Variants in FNDC5 observed in about 807,000 individuals in gnomAD.
FNDC5 encodes the protein fibronectin type III domain containing 5, also known as fibronectin type III domain-containing protein 5.
In FNDC5, 10 loss-of-function variants were observed where a neutral mutation model predicts 24.6. That is an observed-to-expected ratio of 0.41 (90% CI 0.25 to 0.69). The LOEUF is 0.69. Ranked by LOEUF, FNDC5 falls within the 30% of genes least tolerant of loss-of-function variation. The probability of loss-of-function intolerance (pLI) is 0.34; values close to 1 mark genes in which losing one functional copy is unlikely to be tolerated. For synonymous variants in FNDC5, 90 were observed against 110.7 expected (o/e 0.81, Z 1.18); for missense variants, 226 against 282.9 (o/e 0.80, Z 1.44).
At chr1:32,865,787 ACT>A (rs1449173895) in intron 4 of FNDC5, among the ~76,000 whole-genome samples, 1 of 152,046 alleles carries the variant, frequency 6.6e-6, no homozygotes, top group Non-Finnish European at 1.5e-5. Flanking sequence ...AATCCTCACA[ACT>A]CTGTGAGGAT....
rs1641165791 is a variant in FNDC5 at position 32,870,730 on chromosome 1, G to C, written c.17C>G (p.Pro6Arg). 6.0e-6 allele frequency: 7 copies of C among 1,165,228 alleles called. No homozygotes were observed. The highest frequency in any genetic ancestry group is 4.2e-5 in the South Asian group (1 of 23,668). The allele number at this position is 1,165,228 out of a possible 1,614,324, so 72.2% of individuals were successfully genotyped here. A position where few individuals can be genotyped will look rare whatever the true frequency, so the allele number is the denominator to read the frequency against. The change falls in exon 1 of 6, where the codon CCG becomes CGG. Residue 6 changes from proline (P) to arginine (R), a missense_variant. Coordinates refer to ENST00000373471, the MANE Select transcript of FNDC5 (RefSeq NM_153756.3). ...GCGGGCGCGGGGCGGCCAGGCGCTC[G>C]GCGACCCGGGGTGTATGGTGGCTCC...
rs1444013382 is a variant in FNDC5 at position 32,863,839 on chromosome 1, G to A, written c.*455C>T. 3.0e-5 allele frequency: 39 copies of A among 1,306,290 alleles called. No homozygotes were observed. The highest frequency in any genetic ancestry group is 1.0e-6 in the Non-Finnish European group (1 of 990,448). 80.9% of individuals were successfully genotyped at this position (1,306,290 alleles called of 1,614,324 possible). The stretch of plus-strand genomic sequence containing the variant: ...TTGTGAATAGCCTTCTTGCAAGGCT[G>A]GAAACAGGACAGAAGAAGGAAGGGA... On this transcript the variant is annotated 3_prime_UTR_variant, in exon 6 of 6. Transcript: ENST00000373471.
chr1:32,862,602 C>T lies in FNDC5; in HGVS notation c.*1692G>A, dbSNP rs548697855. 6.5e-6 allele frequency: 1 copy of T among 152,726 alleles called. No individual in the cohort carries two copies. Among genetic ancestry groups the T allele is most frequent in the Admixed American group, 6.5e-5 (1 of 15,296 alleles). The allele number at this position is 152,726 out of a possible 1,614,324, so 9.5% of individuals were successfully genotyped here. On this transcript the variant is annotated 3_prime_UTR_variant, in exon 6 of 6. Transcript: ENST00000373471. ...TGGCTCTCTGGCTTGGGGACCAATG[C>T]TCTTATCATTCATTTCAACAAATAT...
Position 32,864,688 on chromosome 1 carries a change from C to T in FNDC5, c.609G>A (p.Gln203=). The T allele has an allele frequency of 6.2e-7, 1 of 1,614,192 alleles. No homozygotes were observed. Among genetic ancestry groups the T allele is most frequent in the Non-Finnish European group, 8.5e-7 (1 of 1,180,044 alleles). The change falls in exon 5 of 6, where the codon CAG becomes CAA. Residue 203 remains glutamine, a synonymous_variant. Transcript: ENST00000373471. Reference sequence around the variant, plus strand: ...CCTTGCTGCGGAGAAGCCCCCCGCCCTGGTGCTCTGGTGTGCTGGTTTCTG... The same window carrying T: ...CCTTGCTGCGGAGAAGCCCCCCGCCTTGGTGCTCTGGTGTGCTGGTTTCTG...
rs139213390 is a variant in FNDC5, at chr1:32,868,748, T to C, written c.210+134A>G. 3.3e-6 allele frequency: 2 copies of C among 613,376 alleles called. No individual in the cohort carries two copies. The highest frequency in any genetic ancestry group is 1.8e-5 in the African/African-American group (1 of 54,516). 38.0% of individuals were successfully genotyped at this position (613,376 alleles called of 1,614,324 possible). A position where few individuals can be genotyped will look rare whatever the true frequency, so the allele number is the denominator to read the frequency against. On this transcript the variant is annotated intron_variant, in intron 2 of 5. Coordinates refer to ENST00000373471, the MANE Select transcript of FNDC5 (RefSeq NM_153756.3). The surrounding 1 kb of genome is among the most constrained non-coding windows in gnomAD (Gnocchi z 4.8). ...CCCAATTTTCAGACATATGTCCAAA[T>C]TGCTGTTCATCTCCCTTGCCCCAAG...
intron 4 of FNDC5, among the ~76,000 whole-genome samples, chr1:32,866,835 G>T (rs528301870): frequency 6.6e-6 from 1 of 152,350 alleles, no homozygotes; most frequent in East Asian, 1.9e-4. Flanking sequence ...GGGCTGGAGT[G>T]ATTGTTCAGT....
At position 32,864,781 on chromosome 1, in the gene FNDC5, G is replaced by A; in HGVS notation, c.516C>T (p.Phe172=). ...CCTTGATGATGTCATACTGGCGGCA[G>A]AAGAGGGCAATGACACCTGAGGGGG... The change falls in exon 5 of 6, where the codon TTC becomes TTT. Residue 172 remains phenylalanine, a synonymous_variant. Transcript: ENST00000373471. The A allele has an allele frequency of 6.2e-7, 1 of 1,614,148 alleles. No individual in the cohort carries two copies. The highest frequency in any genetic ancestry group is 8.5e-7 in the Non-Finnish European group (1 of 1,180,052).
intron 5 of FNDC5, 132 bp from the exon 6 acceptor site, chr1:32,864,431 C>T (rs1641029836): frequency 6.7e-7 from 1 of 1,492,560 alleles, no homozygotes. Context: ...TCTGCCCTCC[C>T]CACTCACTGC....
intron 4 of FNDC5, among the ~76,000 whole-genome samples, chr1:32,866,379 A>T (rs747337588): frequency 2.0e-4 from 30 of 152,256 alleles, no homozygotes; most frequent in Admixed American, 1.0e-3. Context: ...AAGCTTTAGC[A>T]TGGTATTCAA....
At position 32,864,079 on chromosome 1, in the gene FNDC5, ATTG is replaced by A; in HGVS notation, c.*212_*214del. The A allele has an allele frequency of 1.4e-6, 2 of 1,475,072 alleles. No individual in the cohort carries two copies. The highest frequency in any genetic ancestry group is 1.8e-6 in the Non-Finnish European group (2 of 1,113,660). 91.4% of individuals were successfully genotyped at this position (1,475,072 alleles called of 1,614,324 possible). A position where few individuals can be genotyped will look rare whatever the true frequency, so the allele number is the denominator to read the frequency against. Reference sequence around the variant, plus strand: ...TCTGAGTGCAGCCTCAGCCACTGACATTGTTGAGGTGCTTCTGGAGATGGGAGT... The same window carrying A: ...TCTGAGTGCAGCCTCAGCCACTGACATTGAGGTGCTTCTGGAGATGGGAGT... On this transcript the variant is annotated 3_prime_UTR_variant, in exon 6 of 6. Transcript: ENST00000373471.
chr1:32,868,852 C>T lies in FNDC5; in HGVS notation c.210+30G>A. On this transcript the variant is annotated intron_variant, in intron 2 of 5. Coordinates refer to ENST00000373471, the MANE Select transcript of FNDC5 (RefSeq NM_153756.3). The surrounding 1 kb of genome is among the most constrained non-coding windows in gnomAD (Gnocchi z 4.8). ...ATCTGCCACTACTGTCTTGATGTGT[C>T]CTTCCCTCCTAAGGACAGTGGAGCA... The T allele has an allele frequency of 8.1e-7, 1 of 1,229,540 alleles. No homozygotes were observed. The highest frequency in any genetic ancestry group is 1.0e-6 in the Non-Finnish European group (1 of 978,856). The allele number at this position is 1,229,540 out of a possible 1,614,324, so 76.2% of individuals were successfully genotyped here. A position where few individuals can be genotyped will look rare whatever the true frequency, so the allele number is the denominator to read the frequency against.
upstream of FNDC5, among the ~76,000 whole-genome samples, chr1:32,872,060 A>C (rs1641192893): frequency 2.6e-5 from 4 of 152,238 alleles, no homozygotes; most frequent in South Asian, 8.3e-4. Context: ...GACGTCTTGC[A>C]AAGTTCTGCC....
At position 32,870,821 on chromosome 1, in the gene FNDC5, C is replaced by G; in HGVS notation, c.-75G>C. 1.9e-6 allele frequency: 1 copy of G among 525,038 alleles called. No individual in the cohort carries two copies. Among genetic ancestry groups the G allele is most frequent in the Non-Finnish European group, 2.4e-6 (1 of 414,124 alleles). 32.5% of individuals were successfully genotyped at this position (525,038 alleles called of 1,614,324 possible). ...CCGGCGCCCGGCGGCCGCTCGCGCTCGCGCTCCGGCCCCCGGCCCGGCCGG... is the reference window on the plus strand; with the variant it reads ...CCGGCGCCCGGCGGCCGCTCGCGCTGGCGCTCCGGCCCCCGGCCCGGCCGG... On this transcript the variant is annotated 5_prime_UTR_variant, in exon 1 of 6. Coordinates refer to ENST00000373471, the MANE Select transcript of FNDC5 (RefSeq NM_153756.3).
Position 32,868,166 on chromosome 1 carries a change from C to G in FNDC5, c.409+24G>C. 2 of 1,612,846 alleles carry G rather than the reference C, an allele frequency of 1.2e-6. No homozygotes were observed. Among genetic ancestry groups the G allele is most frequent in the South Asian group, 1.1e-5 (1 of 90,996 alleles). On this transcript the variant is annotated intron_variant, in intron 3 of 5. Transcript: ENST00000373471. This position sits in a 1 kb window ranked among gnomAD's most constrained non-coding sequence, Gnocchi z 4.8. ...GACCACCCCTCACCCCACCCCATTC[C>G]TCTTAACAGTGACCCGGGCCTGCCT...
intron 4 of FNDC5, 73 bp downstream of exon 4, chr1:32,867,680 G>C (rs182196591): frequency 6.9e-7 from 1 of 1,443,816 alleles, no homozygotes; most frequent in Non-Finnish European, 9.6e-7. Flanking sequence ...TTTTTCATGA[G>C]AGAAGGGGCT....
chr1:32,870,919 C>G (rs1557531022), upstream of FNDC5: 1 of 147,830 alleles, frequency 6.8e-6, no homozygotes, highest in African/African-American at 2.5e-5. Flanking sequence ...GACTCCCGCG[C>G]GGCGGCGGTG....
At chr1:32,867,716 T>C in intron 4 of FNDC5, 37 bp downstream of exon 4, 1 of 1,595,988 alleles carries the variant, frequency 6.3e-7, no homozygotes, top group Non-Finnish European at 8.6e-7. Flanking sequence ...TTTCCCAGAA[T>C]CTGAGGGAAG....
At position 32,868,375 on chromosome 1, in the gene FNDC5, C is replaced by T. The variant is rs373917435; in HGVS notation, c.224G>A (p.Arg75Gln). ...CACCTCCTGGATGAAGCGCAGCATC[C>T]GCACATCCTTCTTCTGCAGACAAGC... Residue 75 changes from arginine (R) to glutamine (Q), a missense_variant, in exon 3 of 6, where the codon CGG (arginine) becomes CAG (glutamine). Physicochemically the swap from Arg to Gln is conservative, Grantham distance 43 (BLOSUM62 1). Transcript: ENST00000373471. This position sits in a 1 kb window ranked among gnomAD's most constrained non-coding sequence, Gnocchi z 4.8. The T allele has an allele frequency of 4.3e-5, 70 of 1,613,774 alleles. No homozygotes were observed. The highest frequency in any genetic ancestry group is 2.4e-5 in the Non-Finnish European group (28 of 1,179,840).
intron 1 of FNDC5, 140 bp from the exon 2 acceptor site, chr1:32,869,137 G>A: frequency 2.5e-6 from 1 of 405,714 alleles, no homozygotes; most frequent in East Asian, 3.7e-5. Flanking sequence ...GTGGGGTCCA[G>A]TGACATGGCT....
Sources: gnomAD v4.1 joint callset for allele counts (sites outside exome capture counted in the v4.1 genomes callset) on GRCh38, gnomAD v4.1.1 for gene constraint, Gnocchi (gnomAD v3.1) non-coding constraint, MANE v1.5 for transcripts, NCBI Gene and HGNC (gene_info 2026-07-23, HGNC 2026-07-21) for gene names.